Variants in USO1 observed in about 807,000 individuals in gnomAD.
USO1 encodes the protein USO1 vesicle transport factor.
Under a neutral mutation model 124.5 loss-of-function variants are expected in USO1, and 57 were observed. That is an observed-to-expected ratio of 0.46 (90% confidence interval 0.37 to 0.57). The LOEUF (loss-of-function observed/expected upper bound fraction) is 0.57. Ranked by LOEUF, USO1 falls within the 20% of genes least tolerant of loss-of-function variation. The pLI is 0.00. For missense variants in USO1, 900 were observed against 1,040.6 expected, an observed-to-expected ratio of 0.86 and a Z score of 1.86; for synonymous variants, 369 against 362.8, an observed-to-expected ratio of 1.02 and a Z score of -0.19.
intron 19 of USO1, 109 bp from the exon 20 acceptor site, chr4:75,806,377 A>G: frequency 7.3e-7 from 1 of 1,364,124 alleles, no homozygotes; most frequent in East Asian, 2.6e-5. Context: ...GTTGGTGTGA[A>G]TTTTTTGGTA....
intron 21 of USO1, among the ~76,000 whole-genome samples, chr4:75,810,205 C>T (rs1156971468): frequency 6.6e-6 from 1 of 152,184 alleles, no homozygotes; most frequent in Non-Finnish European, 1.5e-5. Context: ...CCTTGAGGCA[C>T]CTTAGCCCAG....
At chr4:75,811,628 A>G (rs1262493526) in intron 22 of USO1, among the ~76,000 whole-genome samples, 1 of 152,262 alleles carries the variant, frequency 6.6e-6, no homozygotes, top group Non-Finnish European at 1.5e-5. Flanking sequence ...TAGCATGAAG[A>G]AAGGAATGAG....
intron 10 of USO1, among the ~76,000 whole-genome samples, chr4:75,787,453 C>T (rs1722395059): frequency 6.6e-6 from 1 of 152,024 alleles, no homozygotes; most frequent in South Asian, 2.1e-4. Flanking sequence ...AAAGATTTCT[C>T]ATTAATTTTG....
intron 17 of USO1, among the ~76,000 whole-genome samples, chr4:75,801,960 T>C (rs1038737724): frequency 8.5e-5 from 13 of 152,146 alleles, no homozygotes; most frequent in Non-Finnish European, 1.9e-4. Flanking sequence ...GCTGGGATTA[T>C]AGGCGTGTGC....
chr4:75,724,846 G>C lies in USO1; in HGVS notation c.27G>C (p.Gly9=). MNFLRGVM[G]GQSAGPQHTE... ...TGAATTTCCTCCGCGGGGTAATGGG[G>C]GGTCAGAGTGCCGGACCCCAGCACA... Residue 9 remains glycine (G), a synonymous_variant, in exon 1 of 24, where the codon GGG becomes GGC. Coordinates refer to ENST00000514213, the MANE Select transcript of USO1 (RefSeq NM_003715.4). The C allele has an allele frequency of 6.2e-7, 1 of 1,613,852 alleles. No individual in the cohort carries two copies. The highest frequency in any genetic ancestry group is 8.5e-7 in the Non-Finnish European group (1 of 1,179,786).
intron 1 of USO1, among the ~76,000 whole-genome samples, chr4:75,732,876 TAA>T (rs3059597): frequency 2.3e-4 from 11 of 48,182 alleles, no homozygotes; most frequent in African/African-American, 8.6e-4. Flanking sequence ...AGATTCCATC[TAA>T]AAAAAAAAAA....
Position 75,813,487 on chromosome 4 carries a change from C to T in USO1, c.*192C>T, listed in dbSNP as rs1227740853. On this transcript the variant is annotated 3_prime_UTR_variant, in exon 24 of 24. Coordinates refer to ENST00000514213, the MANE Select transcript of USO1 (RefSeq NM_003715.4). Reference sequence around the variant, plus strand: ...TAAAACTGAATTTATGTAGAACACACATCTTTTATTTAAATCCATCTGAAC... The same window carrying T: ...TAAAACTGAATTTATGTAGAACACATATCTTTTATTTAAATCCATCTGAAC... 8.4e-6 allele frequency: 4 copies of T among 475,664 alleles called. No individual in the cohort carries two copies. The highest frequency in any genetic ancestry group is 1.3e-5 in the Non-Finnish European group (4 of 297,586). The allele number at this position is 475,664 out of a possible 1,614,324, so 29.5% of individuals were successfully genotyped here.
intron 10 of USO1, among the ~76,000 whole-genome samples, chr4:75,788,368 A>G (rs1388498372): frequency 6.7e-6 from 1 of 150,274 alleles, no homozygotes; most frequent in African/African-American, 2.4e-5. Flanking sequence ...GGGTCTCACC[A>G]TGTTGGCCAA....
chr4:75,768,786 A>T (rs1721841109), intron 4 of USO1, among the ~76,000 whole-genome samples: 1 of 152,226 alleles, frequency 6.6e-6, no homozygotes, highest in Non-Finnish European at 1.5e-5. Flanking sequence ...GCACTTTGTC[A>T]TCCAGTCTTG....
chr4:75,801,222 A>G lies in USO1; in HGVS notation c.1986+22A>G, dbSNP rs779986600. 14 of 1,541,998 alleles carry G rather than the reference A, an allele frequency of 9.1e-6. No homozygotes were observed. The East Asian group carries it at 1.9e-4, about 20-fold the overall frequency. The stretch of plus-strand genomic sequence containing the variant: ...GCAGGTAAGTACTAATGAACTGTAT[A>G]TACCCTCTGATTACCAATAGGCACT... On this transcript the variant is annotated intron_variant, in intron 17 of 23. Transcript: ENST00000514213.
intron 1 of USO1, among the ~76,000 whole-genome samples, chr4:75,731,868 T>G (rs1422787278): frequency 1.3e-5 from 2 of 152,246 alleles, no homozygotes; most frequent in Non-Finnish European, 2.9e-5. Context: ...AAAAAAAGAA[T>G]TGTGAAAAAA....
Position 75,774,711 on chromosome 4 carries a change from T to A in USO1, c.591T>A (p.Asn197Lys). The change falls in exon 8 of 24, where the codon AAT (asparagine) becomes AAA (lysine). Residue 197 changes from asparagine to lysine, a missense_variant. Physicochemically the swap from Asn to Lys is moderately conservative, Grantham distance 94. Transcript: ENST00000514213. The part of the protein sequence containing the change: ...VLLLQALTRS[N>K]GAIQKIVAFE... Reference sequence around the variant, plus strand: ...TACTGCAGGCACTAACAAGAAGCAATGGTGCAATCCAGAAAATTGTTGCTT... The same window carrying A: ...TACTGCAGGCACTAACAAGAAGCAAAGGTGCAATCCAGAAAATTGTTGCTT... The A allele has an allele frequency of 6.2e-7, 1 of 1,613,602 alleles. No homozygotes were observed. The highest frequency in any genetic ancestry group is 8.5e-7 in the Non-Finnish European group (1 of 1,179,644).
Position 75,809,061 on chromosome 4 carries a change from T to C in USO1, c.2475+10T>C. ...GAAAACAGAAGCGTTTGTAAGTATT[T>C]TCTCTTTTTTCTCTGGAAGGTAATA... On this transcript the variant is annotated intron_variant, in intron 21 of 23. Coordinates refer to ENST00000514213, the MANE Select transcript of USO1 (RefSeq NM_003715.4). 6.4e-7 allele frequency: 1 copy of C among 1,558,044 alleles called. No homozygotes were observed. Among genetic ancestry groups the C allele is most frequent in the Non-Finnish European group, 8.7e-7 (1 of 1,155,208 alleles).
At chr4:75,764,898 G>T (rs192414526) in intron 4 of USO1, among the ~76,000 whole-genome samples, 1 of 152,266 alleles carries the variant, frequency 6.6e-6, no homozygotes, top group African/African-American at 2.4e-5. Context: ...CATGGCAACA[G>T]GCAGCTGGAG....
intron 4 of USO1, among the ~76,000 whole-genome samples, chr4:75,762,112 A>G (rs1721623496): frequency 6.6e-6 from 1 of 151,546 alleles, no homozygotes; most frequent in Non-Finnish European, 1.5e-5. Flanking sequence ...ATGGAAGCCC[A>G]GAGATGATGT....
chr4:75,773,972 G>A (rs142509859), intron 7 of USO1, among the ~76,000 whole-genome samples: 1 of 151,966 alleles, frequency 6.6e-6, no homozygotes, highest in East Asian at 1.9e-4. Flanking sequence ...TTAATACTTA[G>A]GGACTCATAA....
chr4:75,725,617 T>TA (rs5859473), intron 1 of USO1, among the ~76,000 whole-genome samples: 79,233 of 146,306 alleles, frequency 0.54, 21,942 homozygotes, highest in East Asian at 0.79. Flanking sequence ...CGGCGTTATT[T>TA]AAAAAAAAAA....
chr4:75,749,177 AC>A (rs1004153135), intron 1 of USO1, among the ~76,000 whole-genome samples: 1 of 152,178 alleles, frequency 6.6e-6, no homozygotes, highest in African/African-American at 2.4e-5. Flanking sequence ...CATGCAATGC[AC>A]AAACCGAGTT....
At chr4:75,786,350 A>G (rs540441924) in intron 9 of USO1, among the ~76,000 whole-genome samples, 1 of 152,332 alleles carries the variant, frequency 6.6e-6, no homozygotes, top group South Asian at 2.1e-4. Context: ...AGGTATTATC[A>G]TAAATACCCC....
Sources: gnomAD v4.1 joint callset for allele counts (sites outside exome capture counted in the v4.1 genomes callset) on GRCh38, gnomAD v4.1.1 for gene constraint, MANE v1.5 for transcripts, NCBI Gene and HGNC (gene_info 2026-07-23, HGNC 2026-07-21) for gene names.